WWOX: variants seen among roughly 807,000 people sequenced by gnomAD.
WWOX encodes WW domain containing oxidoreductase, also known as WW domain-containing oxidoreductase.
A neutral mutation model predicts 46.2 loss-of-function variants in WWOX; 69 were observed. The observed-to-expected ratio is 1.49, with a 90% CI of 1.23 to 1.82. WWOX has a LOEUF of 1.82. WWOX is among the 40% of genes most tolerant of loss of function. WWOX has a pLI of 0.00. For synonymous variants in WWOX, 359 were observed against 202.6 expected, an observed-to-expected ratio of 1.77 and a Z score of -6.56; for missense variants, 919 against 542.6, an observed-to-expected ratio of 1.69 and a Z score of -6.89.
intron 5 of WWOX, among the ~76,000 whole-genome samples, chr16:78,329,905 A>AC (rs1555520717): frequency 6.6e-6 from 1 of 151,752 alleles, no homozygotes; most frequent in Non-Finnish European, 1.5e-5. Flanking sequence ...TACCACCATG[A>AC]CCAGCTAATC....
At chr16:78,842,251 T>C (rs763231476) in intron 8 of WWOX, among the ~76,000 whole-genome samples, 1 of 151,916 alleles carries the variant, frequency 6.6e-6, no homozygotes, top group Non-Finnish European at 1.5e-5. Flanking sequence ...CTCAGCCCTT[T>C]TAGAAGCTGA....
chr16:78,859,966 A>T (rs1051654277), intron 8 of WWOX, among the ~76,000 whole-genome samples: 2 of 152,208 alleles, frequency 1.3e-5, no homozygotes, highest in Non-Finnish European at 2.9e-5. Context: ...TTGGTGACAT[A>T]TCCAGATAGC....
intron 8 of WWOX, among the ~76,000 whole-genome samples, chr16:78,507,696 C>G (rs932226330): frequency 6.6e-6 from 1 of 152,066 alleles, no homozygotes; most frequent in East Asian, 1.9e-4. Flanking sequence ...TGCGTTCTTA[C>G]CTGTTGAGGA....
intron 4 of WWOX, among the ~76,000 whole-genome samples, chr16:78,143,891 G>T (rs546495077): frequency 2.0e-5 from 3 of 151,012 alleles, no homozygotes; most frequent in South Asian, 2.1e-4. Flanking sequence ...CTCACTTCAC[G>T]TTTCGGATCA....
intron 8 of WWOX, among the ~76,000 whole-genome samples, chr16:78,943,118 G>A (rs777273481): frequency 6.6e-6 from 1 of 152,164 alleles, no homozygotes; most frequent in Non-Finnish European, 1.5e-5. Context: ...GCTAGACAGC[G>A]AATCAAGGTG....
intron 8 of WWOX, among the ~76,000 whole-genome samples, chr16:78,833,341 A>C (rs2051884343): frequency 6.6e-6 from 1 of 152,020 alleles, no homozygotes. Flanking sequence ...TCTTTATACC[A>C]GTCCTCAACT....
chr16:78,407,845 A>C (rs2082585342), intron 6 of WWOX, among the ~76,000 whole-genome samples: 1 of 152,240 alleles, frequency 6.6e-6, no homozygotes, highest in African/African-American at 2.4e-5. Flanking sequence ...GAGTCTGGGC[A>C]AACACGCACT....
intron 8 of WWOX, among the ~76,000 whole-genome samples, chr16:78,978,112 G>T (rs11647122): frequency 6.6e-6 from 1 of 152,072 alleles, no homozygotes; most frequent in Non-Finnish European, 1.5e-5. Context: ...TATTTAAGTG[G>T]GATCATACAA....
intron 8 of WWOX, among the ~76,000 whole-genome samples, chr16:78,545,634 C>G (rs570540079): frequency 1.3e-5 from 2 of 152,308 alleles, no homozygotes; most frequent in South Asian, 4.1e-4. Context: ...CATTGAGTCT[C>G]TATTCTGAAA....
intron 5 of WWOX, among the ~76,000 whole-genome samples, chr16:78,226,385 A>C (rs896979439): frequency 5.3e-5 from 8 of 151,836 alleles, no homozygotes; most frequent in African/African-American, 1.7e-4. Flanking sequence ...GAAAAACTTT[A>C]ATGATTTTTT....
intron 5 of WWOX, among the ~76,000 whole-genome samples, chr16:78,374,634 C>T (rs939489475): frequency 2.9e-4 from 42 of 147,046 alleles, no homozygotes; most frequent in African/African-American, 6.8e-4. Context: ...CTGCAAGCTC[C>T]GCCTCCTCGG....
At chr16:78,503,902 T>A (rs540098347) in intron 8 of WWOX, 1 of 152,368 alleles carries the variant, frequency 6.6e-6, no homozygotes, top group African/African-American at 2.4e-5. Context: ...ATATATAATA[T>A]GCATGCGACT....
intron 8 of WWOX, among the ~76,000 whole-genome samples, chr16:79,123,084 C>T (rs1425725470): frequency 6.6e-6 from 1 of 152,160 alleles, no homozygotes; most frequent in Non-Finnish European, 1.5e-5. Context: ...GGGAAAAGGT[C>T]TGGTCTTGTA....
chr16:78,360,880 G>T (rs2081395322), intron 5 of WWOX, among the ~76,000 whole-genome samples: 1 of 151,610 alleles, frequency 6.6e-6, no homozygotes, highest in South Asian at 2.1e-4. Flanking sequence ...GAGCACAGTG[G>T]TACGATCATG....
At chr16:78,611,711 A>T (rs927240900) in intron 8 of WWOX, among the ~76,000 whole-genome samples, 1 of 152,336 alleles carries the variant, frequency 6.6e-6, no homozygotes, top group Non-Finnish European at 1.5e-5. Context: ...TCAGCAACTC[A>T]TATATTTCTC....
At chr16:79,174,929 T>A (rs2050770693) in intron 8 of WWOX, among the ~76,000 whole-genome samples, 1 of 152,212 alleles carries the variant, frequency 6.6e-6, no homozygotes, top group East Asian at 1.9e-4. Flanking sequence ...CCATCTAATA[T>A]TAGCAGTAAC....
chr16:78,826,749 C>T (rs774556408), intron 8 of WWOX, among the ~76,000 whole-genome samples: 1 of 152,154 alleles, frequency 6.6e-6, no homozygotes, highest in Non-Finnish European at 1.5e-5. Flanking sequence ...TTGGAGGCCA[C>T]CATTCAACCC....
chr16:78,926,715 C>G (rs978968194), intron 8 of WWOX, among the ~76,000 whole-genome samples: 1 of 152,132 alleles, frequency 6.6e-6, no homozygotes, highest in African/African-American at 2.4e-5. Context: ...TTTTGAAAGA[C>G]TTGATGGAGA....
chr16:78,884,564 A>G (rs1196882202), intron 8 of WWOX, among the ~76,000 whole-genome samples: 2 of 152,168 alleles, frequency 1.3e-5, no homozygotes, highest in Non-Finnish European at 2.9e-5. Flanking sequence ...TCTTACAGAG[A>G]TGATGTTGAG....
Sources: gnomAD v4.1 joint callset for allele counts (sites outside exome capture counted in the v4.1 genomes callset) on GRCh38, gnomAD v4.1.1 for gene constraint, MANE v1.5 for transcripts, NCBI Gene and HGNC (gene_info 2026-07-23, HGNC 2026-07-21) for gene names.